AKR1E2: variants seen among roughly 807,000 people sequenced by gnomAD.
AKR1E2 encodes 1,5-anhydro-D-fructose reductase.
A neutral mutation model predicts 41.9 loss-of-function variants in AKR1E2; 43 were observed. The ratio of observed to expected loss-of-function variants is 1.03; its 90% confidence interval spans 0.80 to 1.32. The LOEUF (loss-of-function observed/expected upper bound fraction) is 1.32, where lower values mean the gene tolerates loss of function less well. AKR1E2 is among the 40% of genes most tolerant of loss of function. The probability of loss-of-function intolerance (pLI) is 0.00; values close to 1 mark genes in which losing one functional copy is unlikely to be tolerated. For missense variants in AKR1E2, 423 were observed against 396.5 expected (o/e 1.07, Z -0.57); for synonymous variants, 121 against 138.9 (o/e 0.87, Z 0.91).
chr10:4,868,916 AT>A, the AKR1E2 span, among the ~76,000 whole-genome samples: 1 of 152,100 alleles, frequency 6.6e-6, no homozygotes, highest in African/African-American at 2.4e-5. Context: ...TTCTTTTTAT[AT>A]TTTTTTAAAT....
Position 4,847,567 on chromosome 10 carries a change from T to C in AKR1E2, c.*37T>C, listed in dbSNP as rs745473874. The stretch of plus-strand genomic sequence containing the variant: ...CTTCCTTGTTTCTGCTCAGCCCAGA[T>C]GCACAGACACTATTGGCAATGTTGA... On this transcript the variant is annotated 3_prime_UTR_variant, in exon 10 of 10. Coordinates refer to ENST00000298375, the MANE Select transcript of AKR1E2 (RefSeq NM_001040177.3). 2.5e-6 allele frequency: 4 copies of C among 1,607,630 alleles called. No individual in the cohort carries two copies. In the South Asian group the frequency reaches 4.4e-5, roughly 18 times the overall value.
intron 1 of AKR1E2, 108 bp downstream of exon 1, chr10:4,826,471 C>G (rs1362368799): frequency 9.6e-7 from 1 of 1,037,694 alleles, no homozygotes; most frequent in Non-Finnish European, 1.2e-6. Context: ...GCGGCCTCCC[C>G]TCCGCCTGGC....
chr10:4,825,977 T>G (rs1832453000), upstream of AKR1E2, among the ~76,000 whole-genome samples: 1 of 152,220 alleles, frequency 6.6e-6, no homozygotes. Flanking sequence ...TCCCTGCTCC[T>G]GCGTGGCTCT....
downstream of AKR1E2, among the ~76,000 whole-genome samples, chr10:4,850,167 G>T (rs1194502682): frequency 6.6e-6 from 1 of 152,140 alleles, no homozygotes; most frequent in Non-Finnish European, 1.5e-5. Context: ...TGACTTCTGT[G>T]TAAGTTCTTC....
intron 2 of AKR1E2, among the ~76,000 whole-genome samples, chr10:4,833,015 C>T (rs1425576201): frequency 2.0e-5 from 3 of 152,192 alleles, no homozygotes; most frequent in Non-Finnish European, 4.4e-5. Context: ...TCTGATTTTT[C>T]GTCATATCTT....
At chr10:4,872,321 A>G in the AKR1E2 span, among the ~76,000 whole-genome samples, 4 of 152,318 alleles carry the variant, frequency 2.6e-5, no homozygotes, top group East Asian at 3.9e-4. Context: ...TAAGGTGATA[A>G]TGAGGAAGGT....
At chr10:4,870,974 T>G in the AKR1E2 span, among the ~76,000 whole-genome samples, 33 of 152,266 alleles carry the variant, frequency 2.2e-4, no homozygotes, top group African/African-American at 6.7e-4. Context: ...CTGTTCCTTT[T>G]CTTCTGTCTC....
chr10:4,870,900 C>T, the AKR1E2 span, among the ~76,000 whole-genome samples: 1 of 152,026 alleles, frequency 6.6e-6, no homozygotes, highest in Non-Finnish European at 1.5e-5. Flanking sequence ...TGCTTCCTTT[C>T]TTTTCAGGAT....
intron 3 of AKR1E2, among the ~76,000 whole-genome samples, chr10:4,834,785 C>T (rs1833270816): frequency 1.3e-5 from 2 of 152,322 alleles, no homozygotes; most frequent in South Asian, 4.1e-4. Flanking sequence ...AGGAAAAGGT[C>T]TCAGATCATC....
At chr10:4,844,739 G>A (rs558421205) in intron 8 of AKR1E2, among the ~76,000 whole-genome samples, 1 of 152,326 alleles carries the variant, frequency 6.6e-6, no homozygotes, top group African/African-American at 2.4e-5. Context: ...GTGCTGATTG[G>A]TGTGTTTACA....
In AKR1E2 at chr10:4,833,333, TC is replaced by T; in HGVS notation, c.208-13del. On this transcript the variant is annotated splice_polypyrimidine_tract_variant and intron_variant, in intron 2 of 9. Coordinates refer to ENST00000298375, the MANE Select transcript of AKR1E2 (RefSeq NM_001040177.3). ...TCTGGGTGGGCACGTGTGACGCTGG[TC>T]CCCTCTCCTTTGTAGCTGTGGTGCA... is the stretch of plus-strand genomic sequence containing the variant. The T allele has an allele frequency of 6.2e-7, 1 of 1,604,850 alleles. No homozygotes were observed. Among genetic ancestry groups the T allele is most frequent in the Non-Finnish European group, 8.5e-7 (1 of 1,171,628 alleles).
downstream of AKR1E2, among the ~76,000 whole-genome samples, chr10:4,850,582 C>T (rs904373119): frequency 1.7e-4 from 26 of 152,204 alleles, no homozygotes; most frequent in African/African-American, 6.3e-4. Context: ...TCCGGTTTCT[C>T]CACACCCTCG....
downstream of AKR1E2, among the ~76,000 whole-genome samples, chr10:4,851,606 G>C (rs148146130): frequency 2.6e-5 from 4 of 152,176 alleles, no homozygotes; most frequent in African/African-American, 9.7e-5. Flanking sequence ...GTACTAACTC[G>C]ATGCTTTCTG....
chr10:4,832,760 T>C (rs1268535936), intron 2 of AKR1E2, among the ~76,000 whole-genome samples: 1 of 152,228 alleles, frequency 6.6e-6, no homozygotes. Context: ...TTTACTTTAC[T>C]TTCATGTTTT....
intron 6 of AKR1E2, 86 bp downstream of exon 6, chr10:4,839,912 G>A: frequency 7.8e-7 from 1 of 1,281,090 alleles, no homozygotes; most frequent in South Asian, 1.2e-5. Flanking sequence ...ACTGAGGGAG[G>A]GCTTAATGGA....
At position 4,826,287 on chromosome 10, in the gene AKR1E2, TGCGGGGCG is replaced by T. The variant is rs558893802; in HGVS notation, c.-19_-12del. 1.2e-3 allele frequency: 1,466 copies of T among 1,228,346 alleles called. 11 individuals carry two copies. The African/African-American group carries it at 0.02, about 16-fold the overall frequency. The allele number at this position is 1,228,346 out of a possible 1,614,324, so 76.1% of individuals were successfully genotyped here. ...CGCGCGGTGCCTGTCGGTAGTCGCG[TGCGGGGCG>T]GCGGGGCGGCGGGGCGGCCGGCGGC... On this transcript the variant is annotated 5_prime_UTR_variant, in exon 1 of 10. Transcript: ENST00000298375.
chr10:4,859,235 G>C, the AKR1E2 span, among the ~76,000 whole-genome samples: 1 of 152,124 alleles, frequency 6.6e-6, no homozygotes, highest in African/African-American at 2.4e-5. Flanking sequence ...TATGTATTGG[G>C]TTTAGGATAC....
intron 1 of AKR1E2, among the ~76,000 whole-genome samples, chr10:4,829,348 A>G (rs1336010997): frequency 6.6e-6 from 1 of 152,208 alleles, no homozygotes; most frequent in Admixed American, 6.5e-5. Context: ...TGGGTGTGGT[A>G]TATTATCTTT....
the AKR1E2 span, among the ~76,000 whole-genome samples, chr10:4,861,129 C>T: frequency 0.26 from 39,202 of 152,046 alleles, 5,248 homozygotes; most frequent in Middle Eastern, 0.36. Context: ...CAGATTAAAA[C>T]ACTCTATCCA....
Sources: allele counts gnomAD v4.1 joint callset (sites outside exome capture counted in the v4.1 genomes callset), GRCh38; gene constraint gnomAD v4.1.1; transcripts MANE v1.5; gene names NCBI Gene and HGNC (gene_info 2026-07-23, HGNC 2026-07-21).